LHFPL3: variants seen among roughly 807,000 people sequenced by gnomAD.
The protein encoded by LHFPL3 is LHFPL tetraspan subfamily member 3.
A neutral mutation model predicts 19.3 loss-of-function variants in LHFPL3; 5 were observed. The observed-to-expected ratio is 0.26, with a 90% CI of 0.14 to 0.54. LHFPL3 has a LOEUF of 0.54. Ranked by LOEUF, LHFPL3 falls within the 20% of genes least tolerant of loss-of-function variation. The probability of loss-of-function intolerance (pLI) is 0.94; values close to 1 mark genes in which losing one functional copy is unlikely to be tolerated. For synonymous variants in LHFPL3, 133 were observed against 126.2 expected (o/e 1.05, Z -0.36); for missense variants, 249 against 307.4 (o/e 0.81, Z 1.42).
At chr7:104,721,741 T>C (rs997329134) in intron 1 of LHFPL3, among the ~76,000 whole-genome samples, 1 of 152,016 alleles carries the variant, frequency 6.6e-6, no homozygotes, top group Non-Finnish European at 1.5e-5. Flanking sequence ...GGGCCAAGAG[T>C]ATTTAAGGAA....
At chr7:104,489,905 A>G (rs143944882) in intron 1 of LHFPL3, among the ~76,000 whole-genome samples, 2 of 152,142 alleles carry the variant, frequency 1.3e-5, no homozygotes, top group African/African-American at 4.8e-5. Flanking sequence ...TAGCCTCCTC[A>G]CTGCTGACAC....
chr7:104,893,565 G>A (rs1489449265), intron 2 of LHFPL3, among the ~76,000 whole-genome samples: 1 of 151,850 alleles, frequency 6.6e-6, no homozygotes, highest in African/African-American at 2.4e-5. Context: ...AAGTAACCAA[G>A]GTTACTCTCC....
At chr7:104,635,454 A>G (rs780615895) in intron 1 of LHFPL3, among the ~76,000 whole-genome samples, 1 of 152,196 alleles carries the variant, frequency 6.6e-6, no homozygotes, top group African/African-American at 2.4e-5. Flanking sequence ...CAAAATGTAA[A>G]GAAAAAATTT....
intron 2 of LHFPL3, among the ~76,000 whole-genome samples, chr7:104,802,035 CT>C (rs1790259140): frequency 6.6e-6 from 1 of 152,120 alleles, no homozygotes; most frequent in Non-Finnish European, 1.5e-5. Flanking sequence ...CACTGTTAAC[CT>C]TTCTTCCCTA....
At chr7:104,377,383 C>G (rs996122029) in intron 1 of LHFPL3, among the ~76,000 whole-genome samples, 2 of 152,158 alleles carry the variant, frequency 1.3e-5, no homozygotes, top group Admixed American at 1.3e-4. Context: ...CAGCCCTATT[C>G]TTCACAGGAA....
intron 2 of LHFPL3, among the ~76,000 whole-genome samples, chr7:104,888,117 A>G (rs145202708): frequency 2.0e-5 from 3 of 152,376 alleles, no homozygotes; most frequent in Non-Finnish European, 2.9e-5. Flanking sequence ...GTACACATAC[A>G]TACATGCTCA....
intron 1 of LHFPL3, among the ~76,000 whole-genome samples, chr7:104,404,193 G>C (rs1451122727): frequency 2.6e-5 from 4 of 152,122 alleles, no homozygotes; most frequent in African/African-American, 9.7e-5. Flanking sequence ...TTGAATCTTG[G>C]TCAGTAAGCT....
At chr7:104,784,128 T>G (rs1453274594) in intron 2 of LHFPL3, among the ~76,000 whole-genome samples, 1 of 152,200 alleles carries the variant, frequency 6.6e-6, no homozygotes, top group Non-Finnish European at 1.5e-5. Context: ...GGGCTGGAAT[T>G]GCCAAAGAGT....
intron 1 of LHFPL3, 78 bp downstream of exon 1, chr7:104,329,302 G>C (rs530126685): frequency 2.8e-5 from 42 of 1,488,834 alleles, no homozygotes; most frequent in East Asian, 4.6e-5. Flanking sequence ...TGGGAGGGAC[G>C]GGGGCTGTGC....
At chr7:104,722,364 T>C (rs1443583615) in intron 1 of LHFPL3, among the ~76,000 whole-genome samples, 1 of 152,194 alleles carries the variant, frequency 6.6e-6, no homozygotes, top group African/African-American at 2.4e-5. Flanking sequence ...AACTCTTCTC[T>C]TTTAAGAGCC....
chr7:104,423,135 G>C (rs1424728327), intron 1 of LHFPL3, among the ~76,000 whole-genome samples: 10 of 152,146 alleles, frequency 6.6e-5, no homozygotes, highest in Non-Finnish European at 1.2e-4. Context: ...TACAAGAGGG[G>C]AGGACAATAA....
chr7:104,821,918 T>C (rs1790683439), intron 2 of LHFPL3, among the ~76,000 whole-genome samples: 1 of 152,040 alleles, frequency 6.6e-6, no homozygotes, highest in Non-Finnish European at 1.5e-5. Context: ...GTTAGAGAGC[T>C]CCCCCAGTTT....
intron 1 of LHFPL3, among the ~76,000 whole-genome samples, chr7:104,589,370 CAT>C (rs1240792374): frequency 5.3e-5 from 8 of 152,194 alleles, no homozygotes; most frequent in Admixed American, 4.6e-4. Flanking sequence ...TTGAGATAAT[CAT>C]GTGGTTTTTG....
At chr7:104,787,459 G>A (rs1163079042) in intron 2 of LHFPL3, among the ~76,000 whole-genome samples, 1 of 152,172 alleles carries the variant, frequency 6.6e-6, no homozygotes, top group Non-Finnish European at 1.5e-5. Context: ...CCAAGATTAA[G>A]GCACCAACAG....
chr7:104,565,146 A>T (rs1790094714), intron 1 of LHFPL3, among the ~76,000 whole-genome samples: 2 of 152,266 alleles, frequency 1.3e-5, no homozygotes, highest in Non-Finnish European at 2.9e-5. Flanking sequence ...ATTTTAGAAA[A>T]GTACAAATAA....
rs1260937593 is a variant in LHFPL3 at position 104,876,603 on chromosome 7, T to A, written c.683-29584T>A. On this transcript the variant is annotated intron_variant, in intron 2 of 2. Coordinates refer to ENST00000424859, the MANE Select transcript of LHFPL3 (RefSeq NM_199000.3). ...ACCATCTCACACCAGTTAGAATGGC[T>A]ATCATTAAAAAGTCAGGAAACAACA... is the stretch of plus-strand genomic sequence containing the variant. Among the ~76,000 whole-genome samples, 702 of 151,288 alleles carry A rather than the reference T, an allele frequency of 4.6e-3. 7 individuals carry two copies. Among genetic ancestry groups the A allele is most frequent in the African/African-American group, 0.016 (645 of 41,046 alleles).
intron 1 of LHFPL3, among the ~76,000 whole-genome samples, chr7:104,643,666 T>A (rs560300487): frequency 1.1e-4 from 17 of 152,246 alleles, no homozygotes; most frequent in African/African-American, 4.1e-4. Flanking sequence ...GGAAATAAAT[T>A]ATTTGGTCTG....
intron 1 of LHFPL3, among the ~76,000 whole-genome samples, chr7:104,641,203 A>C (rs1791826779): frequency 6.6e-6 from 1 of 152,192 alleles, no homozygotes; most frequent in Admixed American, 6.5e-5. Context: ...AAGTAATAAA[A>C]GTTTTAGAGT....
rs539757478 is a variant in LHFPL3 at position 104,829,576 on chromosome 7, T to A, written c.683-76611T>A. On this transcript the variant is annotated intron_variant, in intron 2 of 2. Coordinates refer to ENST00000424859, the MANE Select transcript of LHFPL3 (RefSeq NM_199000.3). ...GTTCCCACCTATGAGTGAGAACATG[T>A]GGTGTTTGGTTTTTTGTCCTTGCAA... is the stretch of plus-strand genomic sequence containing the variant. Among the ~76,000 whole-genome samples, 28 of 151,292 alleles carry A rather than the reference T, an allele frequency of 1.9e-4. 1 individual carries two copies. The highest frequency in any genetic ancestry group is 6.6e-4 in the African/African-American group (27 of 40,914).
Sources: gnomAD v4.1 joint callset for allele counts (sites outside exome capture counted in the v4.1 genomes callset) on GRCh38, gnomAD v4.1.1 for gene constraint, MANE v1.5 for transcripts, NCBI Gene and HGNC (gene_info 2026-07-23, HGNC 2026-07-21) for gene names.